PCDH15: variants seen among roughly 807,000 people sequenced by gnomAD.
PCDH15 encodes the protein protocadherin related 15.
In PCDH15, 129 loss-of-function variants were observed where a neutral mutation model predicts 178.5. The observed-to-expected ratio is 0.72, with a 90% CI of 0.63 to 0.84. The LOEUF is 0.84. Ranked by LOEUF, PCDH15 falls within the 40% of genes least tolerant of loss-of-function variation. PCDH15 has a pLI of 0.00. For synonymous variants in PCDH15, 800 were observed against 732.0 expected, an observed-to-expected ratio of 1.09 and a Z score of -1.50; for missense variants, 2,230 against 2,099.9, an observed-to-expected ratio of 1.06 and a Z score of -1.21.
chr10:54,699,867 A>G (rs546324730), intron 1 of PCDH15, among the ~76,000 whole-genome samples: 3 of 152,222 alleles, frequency 2.0e-5, no homozygotes, highest in Admixed American at 6.6e-5. Flanking sequence ...TAAGTTATGC[A>G]TTGCATAGGG....
In PCDH15 at chr10:53,803,271, G is replaced by T. The variant is rs1376338924; in HGVS notation, c.*3308C>A. 6.6e-6 allele frequency: 1 copy of T among 151,794 alleles called. No individual in the cohort carries two copies. The highest frequency in any genetic ancestry group is 2.4e-5 in the African/African-American group (1 of 41,366). 9.4% of individuals were successfully genotyped at this position (151,794 alleles called of 1,614,324 possible). A position where few individuals can be genotyped will look rare whatever the true frequency, so the allele number is the denominator to read the frequency against. On this transcript the variant is annotated 3_prime_UTR_variant, in exon 38 of 38. Transcript: ENST00000644397. ...CTATTTTGCTAATTAAATTCAAGTG[G>T]TATATAAATCCCACTTAAGGTATAA...
intron 8 of PCDH15, among the ~76,000 whole-genome samples, chr10:54,261,181 T>C (rs1222228834): frequency 6.6e-6 from 1 of 152,128 alleles, no homozygotes; most frequent in Admixed American, 6.5e-5. Flanking sequence ...GATAACTGTT[T>C]GAAAATGTAA....
chr10:55,207,352 T>G (rs1443301294), intron 1 of PCDH15, among the ~76,000 whole-genome samples: 1 of 152,042 alleles, frequency 6.6e-6, no homozygotes, highest in Non-Finnish European at 1.5e-5. Flanking sequence ...TCAAGAGTAT[T>G]CCCTAAACCT....
rs189729082 is a variant in PCDH15 at position 55,533,851 on chromosome 10, T to C, written c.-156+93774A>G. ...AAACTATACCATAAGGCTATAGTAA[T>C]CAAAACAGCATAGTATTGCTACAAA... On this transcript the variant is annotated intron_variant, in intron 2 of 5. Transcript: ENST00000613346. Among the ~76,000 whole-genome samples the C allele has an allele frequency of 2.3e-3, 347 of 151,958 alleles. 2 individuals carry two copies. The highest frequency in any genetic ancestry group is 4.0e-3 in the Non-Finnish European group (272 of 67,924).
intron 3 of PCDH15, among the ~76,000 whole-genome samples, chr10:54,415,673 T>C (rs1240212150): frequency 1.3e-5 from 2 of 152,132 alleles, no homozygotes; most frequent in Non-Finnish European, 2.9e-5. Context: ...TTACAATCTA[T>C]ATACCACATA....
intron 1 of PCDH15, among the ~76,000 whole-genome samples, chr10:54,689,114 TTAC>T (rs1158730678): frequency 6.6e-6 from 1 of 152,056 alleles, no homozygotes; most frequent in Non-Finnish European, 1.5e-5. Flanking sequence ...TTTTTCTTTC[TTAC>T]TACAACTCTT....
rs545250099 is a variant in PCDH15, at chr10:54,346,149, A to G, written c.594+216T>C. Among the ~76,000 whole-genome samples the G allele has an allele frequency of 1.6e-4, 24 of 152,312 alleles. 2 individuals carry two copies. The South Asian group carries it at 4.8e-3, about 30-fold the overall frequency. ...AATGAGGCATATTATACCTATGAAT[A>G]TATTTTAAACCTTATCTAAAAATAC... On this transcript the variant is annotated intron_variant, in intron 6 of 37. Transcript: ENST00000644397.
chr10:55,305,324 A>G (rs528974202), intron 1 of PCDH15, among the ~76,000 whole-genome samples: 17 of 152,242 alleles, frequency 1.1e-4, no homozygotes, highest in Admixed American at 2.0e-4. Context: ...AAGCATATGA[A>G]TTTGAAAGGG....
At chr10:54,774,659 T>C (rs886233431) in intron 1 of PCDH15, among the ~76,000 whole-genome samples, 2 of 152,184 alleles carry the variant, frequency 1.3e-5, no homozygotes, top group East Asian at 3.9e-4. Flanking sequence ...TCCCAGGCAG[T>C]ATTACCTACT....
chr10:55,426,451 T>A (rs1283951396), intron 2 of PCDH15, among the ~76,000 whole-genome samples: 1 of 152,144 alleles, frequency 6.6e-6, no homozygotes, highest in Non-Finnish European at 1.5e-5. Flanking sequence ...AGGCAGAATC[T>A]TTGGGTGCTG....
At chr10:54,744,782 A>T (rs1945249271) in intron 1 of PCDH15, among the ~76,000 whole-genome samples, 1 of 152,178 alleles carries the variant, frequency 6.6e-6, no homozygotes, top group African/African-American at 2.4e-5. Flanking sequence ...ATTTGCTATA[A>T]TATAATAAAT....
Position 53,910,848 on chromosome 10 carries a change from C to T in PCDH15, c.3374-7478G>A, listed in dbSNP as rs144686517. Reference sequence around the variant, plus strand: ...ACCTGATGGAGCTGAAAACCATGCACGAAACTACATGACACATGAACAAGC... The same window carrying T: ...ACCTGATGGAGCTGAAAACCATGCATGAAACTACATGACACATGAACAAGC... On this transcript the variant is annotated intron_variant, in intron 25 of 37. Coordinates refer to ENST00000644397, the MANE Select transcript of PCDH15 (RefSeq NM_001384140.1). 3.5e-3 allele frequency among the ~76,000 whole-genome samples: 536 copies of T among 151,968 alleles called. 1 individual carries two copies. Among genetic ancestry groups the T allele is most frequent in the African/African-American group, 0.012 (506 of 41,448 alleles).
chr10:54,921,843 T>TAG (rs1837497239), intron 2 of PCDH15, among the ~76,000 whole-genome samples: 1 of 152,138 alleles, frequency 6.6e-6, no homozygotes, highest in Admixed American at 6.5e-5. Flanking sequence ...AGGTAGCATC[T>TAG]CTGGGGAGGC....
At chr10:55,079,098 G>T (rs561662370) in intron 2 of PCDH15, among the ~76,000 whole-genome samples, 56 of 152,124 alleles carry the variant, frequency 3.7e-4, no homozygotes, top group South Asian at 2.9e-3. Flanking sequence ...CTGGGATTTT[G>T]GGACTTTCTT....
intron 2 of PCDH15, among the ~76,000 whole-genome samples, chr10:54,959,760 A>G (rs937718435): frequency 3.9e-5 from 6 of 152,152 alleles, no homozygotes; most frequent in African/African-American, 1.4e-4. Context: ...GGAAATAATC[A>G]GACAAATAAA....
At chr10:53,995,814 G>A (rs778154992) in intron 20 of PCDH15, 49 bp from the exon 21 acceptor site, 4 of 1,535,516 alleles carry the variant, frequency 2.6e-6, no homozygotes, top group Non-Finnish European at 3.6e-6. Flanking sequence ...ACCAGGTTAG[G>A]GATACAGTTA....
intron 3 of PCDH15, among the ~76,000 whole-genome samples, chr10:54,515,425 G>A (rs1439980151): frequency 2.6e-5 from 4 of 152,214 alleles, no homozygotes; most frequent in Admixed American, 6.5e-5. Flanking sequence ...ACAGGCTGGG[G>A]GAGGGGCGCT....
intron 37 of PCDH15, chr10:53,809,074 A>G (rs2075769529): frequency 3.7e-6 from 6 of 1,613,490 alleles, no homozygotes; most frequent in East Asian, 2.2e-5. Context: ...TGCAAGCACA[A>G]TGTTTTTCCT....
At chr10:55,054,834 A>G (rs904705815) in intron 2 of PCDH15, among the ~76,000 whole-genome samples, 8 of 152,128 alleles carry the variant, frequency 5.3e-5, no homozygotes, top group African/African-American at 1.9e-4. Flanking sequence ...GTGTCTGTTC[A>G]TATCATTTGC....
Sources: allele counts gnomAD v4.1 joint callset (sites outside exome capture counted in the v4.1 genomes callset), GRCh38; gene constraint gnomAD v4.1.1; transcripts MANE v1.5; gene names NCBI Gene and HGNC (gene_info 2026-07-23, HGNC 2026-07-21).